PTPRD: variants seen among roughly 807,000 people sequenced by gnomAD.
The protein encoded by PTPRD is receptor-type tyrosine-protein phosphatase delta.
In PTPRD, 34 loss-of-function variants were observed where a neutral mutation model predicts 214.5. That is an observed-to-expected ratio of 0.16 (90% CI 0.12 to 0.21). The LOEUF is 0.21. Among genes scored for constraint, PTPRD ranks in the 10% least tolerant of loss-of-function variants. The pLI is 1.00. For synonymous variants in PTPRD, 1,128 were observed against 845.7 expected, an observed-to-expected ratio of 1.33 and a Z score of -5.79; for missense variants, 2,545 against 2,398.7, an observed-to-expected ratio of 1.06 and a Z score of -1.27.
At chr9:9,313,260 T>C (rs1284622384) in intron 9 of PTPRD, among the ~76,000 whole-genome samples, 2 of 152,142 alleles carry the variant, frequency 1.3e-5, no homozygotes, top group Non-Finnish European at 2.9e-5. Flanking sequence ...GCAACAAGAT[T>C]ATTTAATATA....
chr9:9,629,469 G>A (rs550658556), intron 7 of PTPRD, among the ~76,000 whole-genome samples: 7 of 152,134 alleles, frequency 4.6e-5, no homozygotes, highest in African/African-American at 1.7e-4. Context: ...TACTGCATAT[G>A]TAACAGGATG....
At chr9:10,093,781 T>G (rs1223887873) in intron 3 of PTPRD, among the ~76,000 whole-genome samples, 1 of 151,482 alleles carries the variant, frequency 6.6e-6, no homozygotes, top group Non-Finnish European at 1.5e-5. Flanking sequence ...TCGTGTCCTT[T>G]GCAGTAACAT....
At chr9:9,433,406 T>G (rs375676446) in intron 8 of PTPRD, among the ~76,000 whole-genome samples, 1 of 152,204 alleles carries the variant, frequency 6.6e-6, no homozygotes, top group Non-Finnish European at 1.5e-5. Context: ...ACAATGTTTA[T>G]ACTTAAAGTG....
intron 10 of PTPRD, among the ~76,000 whole-genome samples, chr9:9,154,462 A>G (rs1472460927): frequency 6.6e-6 from 1 of 152,002 alleles, no homozygotes; most frequent in Non-Finnish European, 1.5e-5. Flanking sequence ...CAAAACAGGG[A>G]GAGAGAGAGA....
chr9:9,037,223 T>C (rs930598539), intron 10 of PTPRD, among the ~76,000 whole-genome samples: 2 of 152,106 alleles, frequency 1.3e-5, no homozygotes, highest in African/African-American at 4.8e-5. Context: ...AGAGATAATT[T>C]AGTCCAAATC....
At chr9:9,780,948 G>T (rs1438522061) in intron 5 of PTPRD, among the ~76,000 whole-genome samples, 2 of 152,316 alleles carry the variant, frequency 1.3e-5, no homozygotes, top group East Asian at 3.9e-4. Context: ...TCTGTGCACT[G>T]TATATTCCAA....
intron 9 of PTPRD, among the ~76,000 whole-genome samples, chr9:9,270,971 A>G (rs531255806): frequency 6.6e-6 from 1 of 151,346 alleles, no homozygotes; most frequent in African/African-American, 2.4e-5. Context: ...ATTAATATAA[A>G]GAAGACGGTG....
chr9:8,898,355 T>G (rs1050106208), intron 11 of PTPRD, among the ~76,000 whole-genome samples: 1 of 152,022 alleles, frequency 6.6e-6, no homozygotes, highest in African/African-American at 2.4e-5. Flanking sequence ...AGAAGAAAAC[T>G]GAAAGTTTGG....
chr9:10,231,038 T>G (rs1173045250), intron 3 of PTPRD, among the ~76,000 whole-genome samples: 1 of 151,864 alleles, frequency 6.6e-6, no homozygotes, highest in Non-Finnish European at 1.5e-5. Context: ...CAAAATAACC[T>G]CCTGGACTGG....
intron 2 of PTPRD, among the ~76,000 whole-genome samples, chr9:10,413,226 A>G (rs961144471): frequency 2.0e-5 from 3 of 151,956 alleles, no homozygotes; most frequent in African/African-American, 7.2e-5. Context: ...TCTCAACCCA[A>G]AAGCTCTTTC....
intron 2 of PTPRD, among the ~76,000 whole-genome samples, chr9:10,549,387 G>A (rs2060825492): frequency 6.6e-6 from 1 of 152,036 alleles, no homozygotes; most frequent in African/African-American, 2.4e-5. Context: ...AAAAGGAAAG[G>A]GGAAAGTTGG....
chr9:9,873,030 T>C, intron 5 of PTPRD, among the ~76,000 whole-genome samples: 1 of 152,154 alleles, frequency 6.6e-6, no homozygotes, highest in East Asian at 1.9e-4. Flanking sequence ...ATAATCCTTT[T>C]TAAAATAAGA....
intron 4 of PTPRD, among the ~76,000 whole-genome samples, chr9:9,955,686 A>C (rs553524260): frequency 6.6e-6 from 1 of 151,582 alleles, no homozygotes; most frequent in Non-Finnish European, 1.5e-5. Flanking sequence ...ACCATGCCCG[A>C]CTAATTTTTT....
chr9:8,335,881 G>T (rs777912862), intron 43 of PTPRD, among the ~76,000 whole-genome samples: 5 of 152,072 alleles, frequency 3.3e-5, no homozygotes, highest in Non-Finnish European at 5.9e-5. Flanking sequence ...ATTCACAATT[G>T]CTTCAAAGAG....
chr9:9,504,402 G>T (rs185058398), intron 8 of PTPRD, among the ~76,000 whole-genome samples: 1 of 151,552 alleles, frequency 6.6e-6, no homozygotes, highest in African/African-American at 2.4e-5. Flanking sequence ...CTACAAGGCC[G>T]CAAATTATAC....
chr9:9,668,201 C>A (rs1023110508), intron 7 of PTPRD, among the ~76,000 whole-genome samples: 1 of 152,112 alleles, frequency 6.6e-6, no homozygotes, highest in Non-Finnish European at 1.5e-5. Flanking sequence ...ATTATAAGCA[C>A]AACCGATAAA....
intron 6 of PTPRD, among the ~76,000 whole-genome samples, chr9:9,751,908 C>A (rs1309320355): frequency 2.0e-5 from 3 of 152,050 alleles, no homozygotes; most frequent in Non-Finnish European, 4.4e-5. Context: ...GCATGTCACA[C>A]AGGATAAGCT....
chr9:10,361,509 G>A (rs2097391565), intron 2 of PTPRD, among the ~76,000 whole-genome samples: 1 of 152,092 alleles, frequency 6.6e-6, no homozygotes, highest in Non-Finnish European at 1.5e-5. Flanking sequence ...AAAAGGGGCT[G>A]AAAGGCCAAT....
intron 3 of PTPRD, among the ~76,000 whole-genome samples, chr9:10,287,463 G>A (rs954699623): frequency 6.6e-6 from 1 of 152,114 alleles, no homozygotes; most frequent in Non-Finnish European, 1.5e-5. Context: ...CTGGTTAAAT[G>A]ACCCCATGCA....
Sources: gnomAD v4.1 joint callset for allele counts (sites outside exome capture counted in the v4.1 genomes callset) on GRCh38, gnomAD v4.1.1 for gene constraint, MANE v1.5 for transcripts, NCBI Gene and HGNC (gene_info 2026-07-23, HGNC 2026-07-21) for gene names.